The following PTPRM variants were observed in gnomAD, a reference collection of about 807,000 sequenced individuals.
PTPRM encodes protein tyrosine phosphatase receptor type M, also known as receptor-type tyrosine-protein phosphatase mu.
A neutral mutation model predicts 186.7 loss-of-function variants in PTPRM; 47 were observed. The observed-to-expected ratio is 0.25, with a 90% CI of 0.20 to 0.32. The LOEUF is 0.32. Among genes scored for constraint, PTPRM ranks in the 10% least tolerant of loss-of-function variants. PTPRM has a pLI of 1.00. For missense variants in PTPRM, 1,494 were observed against 1,865.0 expected (o/e 0.80, Z 3.66); for synonymous variants, 668 against 674.9 (o/e 0.99, Z 0.16).
chr18:7,643,936 TA>T (rs1002359986), intron 1 of PTPRM, among the ~76,000 whole-genome samples: 1 of 152,046 alleles, frequency 6.6e-6, no homozygotes, highest in Non-Finnish European at 1.5e-5. Flanking sequence ...AATCAAGTTT[TA>T]AAAAAAGGTT....
chr18:8,155,371 CA>C (rs1418411442), intron 14 of PTPRM, among the ~76,000 whole-genome samples: 1 of 152,090 alleles, frequency 6.6e-6, no homozygotes, highest in Non-Finnish European at 1.5e-5. Flanking sequence ...CACTGTGGTA[CA>C]TAGAAATCAC....
intron 1 of PTPRM, among the ~76,000 whole-genome samples, chr18:7,579,260 T>C (rs960715785): frequency 6.6e-6 from 1 of 152,194 alleles, no homozygotes; most frequent in African/African-American, 2.4e-5. Context: ...TTGTTAAAAA[T>C]GCAGATTCCT....
chr18:7,741,342 C>A (rs146424416), intron 1 of PTPRM: 1 of 152,138 alleles, frequency 6.6e-6, no homozygotes, highest in Non-Finnish European at 1.5e-5. Flanking sequence ...AGGTGACATG[C>A]GTTTTCATTG....
chr18:8,389,020 C>T (rs765692715), intron 31 of PTPRM, among the ~76,000 whole-genome samples: 7 of 152,042 alleles, frequency 4.6e-5, no homozygotes, highest in Non-Finnish European at 1.0e-4. Context: ...ATTAGCAGTC[C>T]ACATCCCTAT....
chr18:7,602,763 A>G (rs1373966953), intron 1 of PTPRM, among the ~76,000 whole-genome samples: 2 of 151,038 alleles, frequency 1.3e-5, no homozygotes, highest in African/African-American at 4.8e-5. Context: ...CCTTAAAAAT[A>G]AAAGTGTTGG....
intron 1 of PTPRM, among the ~76,000 whole-genome samples, chr18:7,607,265 A>C (rs911475905): frequency 2.6e-5 from 4 of 152,162 alleles, no homozygotes; most frequent in African/African-American, 7.2e-5. Context: ...AGATAGCTTA[A>C]GCATGTTTAT....
intron 2 of PTPRM, among the ~76,000 whole-genome samples, chr18:7,874,580 T>C (rs947671031): frequency 4.6e-5 from 7 of 152,006 alleles, no homozygotes; most frequent in African/African-American, 1.7e-4. Flanking sequence ...AACACCTCTT[T>C]AGACCTCTAT....
chr18:7,893,384 A>G (rs528288173), intron 3 of PTPRM, among the ~76,000 whole-genome samples: 1 of 152,312 alleles, frequency 6.6e-6, no homozygotes, highest in African/African-American at 2.4e-5. Flanking sequence ...TCTTAGATTT[A>G]TCAGTCACTC....
chr18:7,976,810 A>G (rs907839511), intron 7 of PTPRM, among the ~76,000 whole-genome samples: 1 of 152,172 alleles, frequency 6.6e-6, no homozygotes, highest in Non-Finnish European at 1.5e-5. Context: ...TAATAATTGT[A>G]GTCAAATGAC....
chr18:8,359,035 A>G (rs2095580471), intron 23 of PTPRM, among the ~76,000 whole-genome samples: 1 of 152,212 alleles, frequency 6.6e-6, no homozygotes, highest in Non-Finnish European at 1.5e-5. Context: ...CATTTAGCCT[A>G]CCCAATTAAT....
intron 22 of PTPRM, among the ~76,000 whole-genome samples, chr18:8,332,341 C>T (rs1003470690): frequency 3.9e-5 from 6 of 152,132 alleles, no homozygotes; most frequent in Admixed American, 1.3e-4. Context: ...AAAACCTGTC[C>T]GTTAATGTTT....
intron 1 of PTPRM, among the ~76,000 whole-genome samples, chr18:7,696,188 A>G (rs990108486): frequency 1.3e-5 from 2 of 152,156 alleles, no homozygotes; most frequent in African/African-American, 2.4e-5. Flanking sequence ...AAATCAAATC[A>G]TTACAACTTA....
At chr18:7,699,080 A>G (rs1318516473) in intron 1 of PTPRM, among the ~76,000 whole-genome samples, 2 of 152,174 alleles carry the variant, frequency 1.3e-5, no homozygotes, top group Non-Finnish European at 2.9e-5. Context: ...CAGCGGCAGC[A>G]TTAGATTCTC....
At chr18:8,266,421 G>A (rs1466084030) in intron 19 of PTPRM, among the ~76,000 whole-genome samples, 1 of 149,018 alleles carries the variant, frequency 6.7e-6, no homozygotes, top group Non-Finnish European at 1.5e-5. Flanking sequence ...TAAATGTTTT[G>A]AATTACTTAA....
At chr18:7,887,890 A>C in intron 2 of PTPRM, 1 of 723,760 alleles carries the variant, frequency 1.4e-6, no homozygotes, top group Non-Finnish European at 2.5e-6. Context: ...CATCCAGGGA[A>C]TTTTCCATTA....
chr18:7,745,954 AAGAG>A (rs2040976400), intron 1 of PTPRM, among the ~76,000 whole-genome samples: 1 of 152,218 alleles, frequency 6.6e-6, no homozygotes, highest in African/African-American at 2.4e-5. Context: ...AACTGAGTCA[AAGAG>A]AGACAAAGAT....
intron 1 of PTPRM, among the ~76,000 whole-genome samples, chr18:7,738,735 C>T (rs990492539): frequency 6.6e-6 from 1 of 152,086 alleles, no homozygotes; most frequent in African/African-American, 2.4e-5. Context: ...GCCACTGCGC[C>T]CGGCCAGTTC....
At chr18:7,661,280 C>T (rs1168726449) in intron 1 of PTPRM, among the ~76,000 whole-genome samples, 1 of 152,192 alleles carries the variant, frequency 6.6e-6, no homozygotes, top group East Asian at 1.9e-4. Flanking sequence ...AGAAGCTCCC[C>T]TTACAGATGT....
rs540414183 is a variant in PTPRM, at chr18:8,185,989, T to C, written c.2300+42210T>C. Among the ~76,000 whole-genome samples the C allele has an allele frequency of 1.1e-4, 17 of 152,324 alleles. 1 individual carries two copies. The highest frequency in any genetic ancestry group is 9.8e-4 in the Admixed American group (15 of 15,306). ...TATATTTACTTCTATTTGTTATTTG[T>C]TGGACATTTTGTGAAGAGATAGGAA... is the stretch of plus-strand genomic sequence containing the variant. On this transcript the variant is annotated intron_variant, in intron 14 of 32. Coordinates refer to ENST00000580170, the MANE Select transcript of PTPRM (RefSeq NM_001105244.2).
Sources: allele counts gnomAD v4.1 joint callset (sites outside exome capture counted in the v4.1 genomes callset), GRCh38; gene constraint gnomAD v4.1.1; transcripts MANE v1.5; gene names NCBI Gene and HGNC (gene_info 2026-07-23, HGNC 2026-07-21).